Variants in VWA3B observed in about 807,000 individuals in gnomAD.
VWA3B encodes the protein von Willebrand factor A domain containing 3B, also known as von Willebrand factor A domain-containing protein 3B.
A neutral mutation model predicts 158.3 loss-of-function variants in VWA3B; 138 were observed. The observed-to-expected ratio is 0.87, with a 90% CI of 0.76 to 1.00. VWA3B has a LOEUF of 1.00. Among genes scored for constraint, VWA3B ranks in the 50% least tolerant of loss-of-function variants. The pLI is 0.00. For missense variants in VWA3B, 1,555 were observed against 1,565.1 expected (o/e 0.99, Z 0.11); for synonymous variants, 596 against 587.3 (o/e 1.01, Z -0.21).
At chr2:98,238,842 A>T (rs1181019723) in intron 19 of VWA3B, among the ~76,000 whole-genome samples, 3 of 152,216 alleles carry the variant, frequency 2.0e-5, no homozygotes, top group Non-Finnish European at 2.9e-5. Flanking sequence ...ATGCACATAC[A>T]TCCATACCAT....
At chr2:98,115,889 C>G (rs1674497144) in intron 3 of VWA3B, 143 bp downstream of exon 3, 2 of 597,094 alleles carry the variant, frequency 3.3e-6, no homozygotes, top group African/African-American at 3.7e-5. Context: ...TTTCTTTTGG[C>G]ATTGATAGGG....
At chr2:98,132,900 G>A (rs552565878) in intron 6 of VWA3B, among the ~76,000 whole-genome samples, 33 of 152,346 alleles carry the variant, frequency 2.2e-4, no homozygotes, top group East Asian at 7.7e-4. Context: ...CCATAGCCGC[G>A]GTGGGTTCCC....
intron 2 of VWA3B, among the ~76,000 whole-genome samples, chr2:98,113,703 C>T (rs1481418888): frequency 6.6e-6 from 1 of 152,170 alleles, no homozygotes; most frequent in Admixed American, 6.5e-5. Flanking sequence ...TTTCCTACCC[C>T]TAAACTTTCT....
At chr2:98,218,532 G>A (rs1409395357) in intron 14 of VWA3B, among the ~76,000 whole-genome samples, 1 of 152,184 alleles carries the variant, frequency 6.6e-6, no homozygotes, top group African/African-American at 2.4e-5. Flanking sequence ...GTCAGATGTA[G>A]GTGGTTAGTT....
At position 98,181,156 on chromosome 2, in the gene VWA3B, G is replaced by GA; in HGVS notation, c.1256dup (p.Asp419GlufsTer13). ...TGCCGACTGCTCTTTCCGCCACGCT[G>GA]ATGGGGTTGTGGATATAAAAGCCAA... On this transcript the variant is annotated frameshift_variant, in exon 9 of 28. Coordinates refer to ENST00000477737, the MANE Select transcript of VWA3B (RefSeq NM_144992.5). LOFTEE classifies it high-confidence loss of function. 6.2e-7 allele frequency: 1 copy of GA among 1,614,222 alleles called. No individual in the cohort carries two copies.
At chr2:98,217,797 T>TCTTCTCTTTCC in intron 13 of VWA3B, 49 bp from the exon 14 acceptor site, 5 of 1,481,586 alleles carry the variant, frequency 3.4e-6, no homozygotes, top group Non-Finnish European at 4.5e-6. Flanking sequence ...CTTTTCTTTC[T>TCTTCTCTTTCC]CTTCTCTTTC....
At chr2:98,137,042 T>C (rs1457822112) in intron 7 of VWA3B, among the ~76,000 whole-genome samples, 1 of 152,238 alleles carries the variant, frequency 6.6e-6, no homozygotes, top group African/African-American at 2.4e-5. Flanking sequence ...TGTTTACTGA[T>C]TCATCCACCC....
intron 6 of VWA3B, among the ~76,000 whole-genome samples, chr2:98,129,368 G>GA (rs1393374185): frequency 2.6e-5 from 4 of 151,970 alleles, no homozygotes; most frequent in African/African-American, 4.8e-5. Context: ...GAGAGACAGA[G>GA]AGACAGAGAG....
At chr2:98,100,332 T>G (rs1243513133) in intron 2 of VWA3B, among the ~76,000 whole-genome samples, 2 of 152,198 alleles carry the variant, frequency 1.3e-5, no homozygotes, top group Non-Finnish European at 2.9e-5. Flanking sequence ...AGGACCACCA[T>G]GATGACTGGC....
At chr2:98,105,597 G>GT (rs1318414002) in intron 2 of VWA3B, among the ~76,000 whole-genome samples, 1 of 151,930 alleles carries the variant, frequency 6.6e-6, no homozygotes, top group Non-Finnish European at 1.5e-5. Flanking sequence ...TAAGGTTCAC[G>GT]TTTTTTTGTA....
chr2:98,184,762 C>G (rs957217894), intron 9 of VWA3B, among the ~76,000 whole-genome samples: 2 of 152,228 alleles, frequency 1.3e-5, no homozygotes, highest in Non-Finnish European at 2.9e-5. Flanking sequence ...TGGTTTCTCT[C>G]CCATTCCCTT....
chr2:98,130,084 G>A (rs1049204865), intron 6 of VWA3B, among the ~76,000 whole-genome samples: 2 of 152,128 alleles, frequency 1.3e-5, no homozygotes, highest in African/African-American at 4.8e-5. Flanking sequence ...GGTGTGGCAG[G>A]ATAATAGGAT....
At chr2:98,171,341 G>T (rs192858187) in intron 8 of VWA3B, among the ~76,000 whole-genome samples, 98 of 152,310 alleles carry the variant, frequency 6.4e-4, no homozygotes, top group African/African-American at 2.2e-3. Flanking sequence ...CCAGGGTCAA[G>T]GAAAGGTTTC....
intron 7 of VWA3B, among the ~76,000 whole-genome samples, chr2:98,136,207 A>T (rs1676270436): frequency 6.6e-6 from 1 of 152,216 alleles, no homozygotes; most frequent in African/African-American, 2.4e-5. Context: ...AAGATAAAAA[A>T]TGTTTTTTAA....
chr2:98,254,768 G>T (rs754012085), intron 20 of VWA3B, among the ~76,000 whole-genome samples: 2 of 152,182 alleles, frequency 1.3e-5, no homozygotes, highest in African/African-American at 4.8e-5. Context: ...AGAAGAAGCC[G>T]ACTGAGCTTT....
chr2:98,191,040 C>CT (rs1167504422), intron 10 of VWA3B, among the ~76,000 whole-genome samples: 1 of 152,024 alleles, frequency 6.6e-6, no homozygotes, highest in Non-Finnish European at 1.5e-5. Flanking sequence ...ATGCTTTTGT[C>CT]TTTTTTCTCT....
At chr2:98,194,580 G>C (rs1681881824) in intron 12 of VWA3B, 88 bp downstream of exon 12, 4 of 1,492,410 alleles carry the variant, frequency 2.7e-6, no homozygotes. Flanking sequence ...TTCCTGAGAG[G>C]TGTTTTGCAC....
At chr2:98,106,951 C>T (rs574053198) in intron 2 of VWA3B, among the ~76,000 whole-genome samples, 7 of 152,302 alleles carry the variant, frequency 4.6e-5, no homozygotes, top group Non-Finnish European at 8.8e-5. Flanking sequence ...TTCAGTCATT[C>T]ACCACTAAGT....
intron 7 of VWA3B, among the ~76,000 whole-genome samples, chr2:98,161,984 C>T (rs1304206244): frequency 6.6e-6 from 1 of 152,206 alleles, no homozygotes. Context: ...TACAGGATTA[C>T]AGGCGTATGC....
Sources: gnomAD v4.1 joint callset for allele counts (sites outside exome capture counted in the v4.1 genomes callset) on GRCh38, gnomAD v4.1.1 for gene constraint, MANE v1.5 for transcripts, NCBI Gene and HGNC (gene_info 2026-07-23, HGNC 2026-07-21) for gene names.